Variants in TMEM132B observed in about 807,000 individuals in gnomAD.
The protein encoded by TMEM132B is transmembrane protein 132B.
A neutral mutation model predicts 90.8 loss-of-function variants in TMEM132B; 18 were observed. That is an observed-to-expected ratio of 0.20 (90% CI 0.14 to 0.29). The LOEUF (loss-of-function observed/expected upper bound fraction) is 0.29. Ranked by LOEUF, TMEM132B falls within the 10% of genes least tolerant of loss-of-function variation. The pLI is 1.00. For synonymous variants in TMEM132B, 504 were observed against 523.3 expected (o/e 0.96, Z 0.50); for missense variants, 1,096 against 1,326.8 (o/e 0.83, Z 2.70).
At chr12:125,368,192 G>T (rs1218123627) in intron 2 of TMEM132B, among the ~76,000 whole-genome samples, 1 of 152,038 alleles carries the variant, frequency 6.6e-6, no homozygotes, top group Non-Finnish European at 1.5e-5. Context: ...GCACTTTTAA[G>T]ATGACAGATA....
chr12:125,208,799 C>T (rs1239509050), intron 1 of TMEM132B, among the ~76,000 whole-genome samples: 1 of 152,172 alleles, frequency 6.6e-6, no homozygotes, highest in Non-Finnish European at 1.5e-5. Context: ...CAGGTTTCCT[C>T]TTCCTGGGTT....
At chr12:125,356,806 T>C (rs1490680967) in intron 2 of TMEM132B, among the ~76,000 whole-genome samples, 1 of 152,250 alleles carries the variant, frequency 6.6e-6, no homozygotes, top group Non-Finnish European at 1.5e-5. Flanking sequence ...CCTTTAGGCA[T>C]GCTCCTACCC....
In TMEM132B at chr12:125,453,579, A is replaced by T. The variant is rs992479640; in HGVS notation, c.1106+37902A>T. On this transcript the variant is annotated intron_variant, in intron 3 of 8. Coordinates refer to ENST00000682704, the MANE Select transcript of TMEM132B (RefSeq NM_001366854.1). ...TGACTTGAAAGTAAATTATACATTG[A>T]AAACCAAGTGCAAAAAAATCACTGA... 5.9e-5 allele frequency among the ~76,000 whole-genome samples: 9 copies of T among 152,346 alleles called. No individual in the cohort carries two copies. The East Asian group carries it at 1.7e-3, about 29-fold the overall frequency.
intron 5 of TMEM132B, among the ~76,000 whole-genome samples, chr12:125,635,698 A>G (rs1231645817): frequency 6.6e-6 from 1 of 152,134 alleles, no homozygotes; most frequent in Non-Finnish European, 1.5e-5. Context: ...CTGGTTCTAG[A>G]TCCTTGAGAA....
chr12:125,384,197 C>T (rs1878763679), intron 2 of TMEM132B, among the ~76,000 whole-genome samples: 1 of 152,126 alleles, frequency 6.6e-6, no homozygotes, highest in Non-Finnish European at 1.5e-5. Flanking sequence ...ATTGCCTCGG[C>T]CTCCTCAAGT....
At position 125,209,293 on chromosome 12, in the gene TMEM132B, T is replaced by C. The variant is rs1873263111; in HGVS notation, c.67+22427T>C. On this transcript the variant is annotated intron_variant, in intron 1 of 8. Coordinates refer to ENST00000682704, the MANE Select transcript of TMEM132B (RefSeq NM_001366854.1). The surrounding 1 kb of genome is among the most constrained non-coding windows in gnomAD (Gnocchi z 4.4). ...GCCTGCTGGGTGAGGCTCACATCTC[T>C]AAGTGGGGCAGAGGCTCGCGGATGG... Among the ~76,000 whole-genome samples the C allele has an allele frequency of 6.6e-6, 1 of 152,184 alleles. No individual in the cohort carries two copies. Among genetic ancestry groups the C allele is most frequent in the South Asian group, 2.1e-4 (1 of 4,826 alleles).
At chr12:125,230,057 G>T (rs182222033) in intron 1 of TMEM132B, among the ~76,000 whole-genome samples, 1 of 152,322 alleles carries the variant, frequency 6.6e-6, no homozygotes, top group Admixed American at 6.5e-5. Context: ...GGCGGAGGAT[G>T]GTTCCTCAAA....
intron 2 of TMEM132B, among the ~76,000 whole-genome samples, chr12:125,414,534 T>G (rs1422727034): frequency 2.0e-5 from 3 of 152,212 alleles, no homozygotes; most frequent in African/African-American, 7.2e-5. Context: ...ACTGGGCCTT[T>G]CTTGTGGGTC....
intron 1 of TMEM132B, among the ~76,000 whole-genome samples, chr12:125,200,823 A>G (rs981529897): frequency 6.6e-6 from 1 of 152,226 alleles, no homozygotes; most frequent in Non-Finnish European, 1.5e-5. Context: ...TCTTGAGGGC[A>G]GGACCCAGCC....
At chr12:125,550,972 T>C (rs10744215) in intron 4 of TMEM132B, among the ~76,000 whole-genome samples, 94,057 of 152,022 alleles carry the variant, frequency 0.62, 30,024 homozygotes, top group East Asian at 0.79. Context: ...GCCAGCACGC[T>C]CAGCTACTTT....
rs145717432 is a variant in TMEM132B at position 125,445,295 on chromosome 12, G to T, written c.1106+29618G>T. 2.0e-5 allele frequency among the ~76,000 whole-genome samples: 3 copies of T among 152,254 alleles called. No individual in the cohort carries two copies. Among genetic ancestry groups the T allele is most frequent in the African/African-American group, 7.2e-5 (3 of 41,532 alleles). ...GATCTGTGTCCTGACCCTATCACTA[G>T]AGACCTTAGGCATAGAACCCCTTGC... On this transcript the variant is annotated intron_variant, in intron 3 of 8. Coordinates refer to ENST00000682704, the MANE Select transcript of TMEM132B (RefSeq NM_001366854.1). This position sits in a 1 kb window ranked among gnomAD's most constrained non-coding sequence, Gnocchi z 4.3.
chr12:125,560,420 C>T (rs1008712116), intron 4 of TMEM132B, among the ~76,000 whole-genome samples: 7 of 152,160 alleles, frequency 4.6e-5, no homozygotes, highest in Admixed American at 2.0e-4. Context: ...GACATTTATG[C>T]GGCCAACAAA....
chr12:125,315,665 A>T (rs1876248918), intron 1 of TMEM132B, among the ~76,000 whole-genome samples: 1 of 152,218 alleles, frequency 6.6e-6, no homozygotes, highest in Non-Finnish European at 1.5e-5. Flanking sequence ...TCACTTGGCC[A>T]AGGTAACACA....
chr12:125,603,582 A>G (rs1344703310), intron 5 of TMEM132B, among the ~76,000 whole-genome samples: 7 of 152,116 alleles, frequency 4.6e-5, no homozygotes, highest in Non-Finnish European at 4.4e-5. Context: ...AATTGCAACA[A>G]AAACAAAAAT....
At chr12:125,433,363 A>C (rs773353954) in intron 3 of TMEM132B, among the ~76,000 whole-genome samples, 5 of 152,032 alleles carry the variant, frequency 3.3e-5, no homozygotes, top group Non-Finnish European at 7.4e-5. Context: ...TTGAACTCCA[A>C]ATGGCTTTAT....
At chr12:125,438,546 T>C (rs1420473562) in intron 3 of TMEM132B, among the ~76,000 whole-genome samples, 1 of 152,242 alleles carries the variant, frequency 6.6e-6, no homozygotes, top group African/African-American at 2.4e-5. Flanking sequence ...GTAGAGGATA[T>C]TGTAGCAAAC....
chr12:125,240,887 C>G (rs1441428425), intron 1 of TMEM132B, among the ~76,000 whole-genome samples: 1 of 152,210 alleles, frequency 6.6e-6, no homozygotes, highest in Non-Finnish European at 1.5e-5. Context: ...CGTCCCATGC[C>G]TGACGGAGAG....
At chr12:125,368,891 CT>C (rs989918127) in intron 2 of TMEM132B, among the ~76,000 whole-genome samples, 9 of 152,108 alleles carry the variant, frequency 5.9e-5, no homozygotes, top group African/African-American at 2.2e-4. Flanking sequence ...TTAAATTATA[CT>C]TTAAGTTCTA....
At chr12:125,503,582 G>A (rs1362977092) in intron 3 of TMEM132B, among the ~76,000 whole-genome samples, 1 of 152,176 alleles carries the variant, frequency 6.6e-6, no homozygotes, top group Non-Finnish European at 1.5e-5. Context: ...CAAGGAGGTG[G>A]TACCTGAATC....
Sources: gnomAD v4.1 joint callset for allele counts (sites outside exome capture counted in the v4.1 genomes callset) on GRCh38, gnomAD v4.1.1 for gene constraint, Gnocchi (gnomAD v3.1) non-coding constraint, MANE v1.5 for transcripts, NCBI Gene and HGNC (gene_info 2026-07-23, HGNC 2026-07-21) for gene names.